The following SLC30A7 variants were observed in gnomAD, a reference collection of about 807,000 sequenced individuals.
The protein encoded by SLC30A7 is zinc transporter 7.
A neutral mutation model predicts 46.0 loss-of-function variants in SLC30A7; 35 were observed. The ratio of observed to expected loss-of-function variants is 0.76; its 90% CI spans 0.58 to 1.01. The LOEUF (loss-of-function observed/expected upper bound fraction) is 1.01, where lower values mean the gene tolerates loss of function less well. SLC30A7 is among the 50% of genes least tolerant of loss of function. The pLI, the probability that SLC30A7 is intolerant of heterozygous loss-of-function variation, is 0.00. For synonymous variants in SLC30A7, 147 were observed against 157.8 expected (o/e 0.93, Z 0.51); for missense variants, 464 against 451.1 (o/e 1.03, Z -0.26).
intron 8 of SLC30A7, among the ~76,000 whole-genome samples, chr1:100,949,143 C>A (rs887278689): frequency 6.6e-6 from 1 of 152,192 alleles, no homozygotes; most frequent in Non-Finnish European, 1.5e-5. Flanking sequence ...GCTCTGGTTT[C>A]TCCCCATCTT....
chr1:100,963,272 G>A (rs1011302442), intron 9 of SLC30A7, among the ~76,000 whole-genome samples: 3 of 152,202 alleles, frequency 2.0e-5, no homozygotes, highest in African/African-American at 7.2e-5. Flanking sequence ...AGGTGAGAAA[G>A]CCAGGAAAGG....
intron 9 of SLC30A7, among the ~76,000 whole-genome samples, 164 bp downstream of exon 9, chr1:100,962,082 G>A (rs372317372): frequency 6.6e-6 from 1 of 152,168 alleles, no homozygotes; most frequent in Non-Finnish European, 1.5e-5. Flanking sequence ...AAAATTGTCG[G>A]AAAATATTGA....
At position 100,977,709 on chromosome 1, in the gene SLC30A7, A is replaced by G. The variant is rs894900174; in HGVS notation, c.*2852A>G. 6.6e-6 allele frequency: 1 copy of G among 152,168 alleles called. No homozygotes were observed. Among genetic ancestry groups the G allele is most frequent in the Admixed American group, 6.5e-5 (1 of 15,270 alleles). The allele number at this position is 152,168 out of a possible 1,614,324, so 9.4% of individuals were successfully genotyped here. A position where few individuals can be genotyped will look rare whatever the true frequency, so the allele number is the denominator to read the frequency against. On this transcript the variant is annotated 3_prime_UTR_variant, in exon 11 of 11. Coordinates refer to ENST00000357650, the MANE Select transcript of SLC30A7 (RefSeq NM_133496.5). The stretch of plus-strand genomic sequence containing the variant: ...TTTACCTTGCCTGGTAAACCTTCCC[A>G]AACAGAAATATAGCTATACTATCTT...
chr1:100,900,318 GT>G (rs767198852), intron 2 of SLC30A7, among the ~76,000 whole-genome samples: 2 of 152,140 alleles, frequency 1.3e-5, no homozygotes, highest in Non-Finnish European at 2.9e-5. Context: ...ATGTCTTTGT[GT>G]TAACAAAGTA....
At chr1:100,901,729 C>A (rs1027747702) in intron 2 of SLC30A7, among the ~76,000 whole-genome samples, 3 of 152,184 alleles carry the variant, frequency 2.0e-5, no homozygotes, top group African/African-American at 7.2e-5. Flanking sequence ...TAGGCACGAG[C>A]CACTGCACCC....
At chr1:100,987,875 T>G in the SLC30A7 span, among the ~76,000 whole-genome samples, 1 of 152,202 alleles carries the variant, frequency 6.6e-6, no homozygotes, top group African/African-American at 2.4e-5. Context: ...ATCCTTAGTT[T>G]TAGCATAAAT....
At chr1:100,923,042 G>A (rs1161279751) in intron 8 of SLC30A7, among the ~76,000 whole-genome samples, 2 of 80,792 alleles carry the variant, frequency 2.5e-5, no homozygotes, top group African/African-American at 1.0e-4. Context: ...TTTTGAGACG[G>A]AGTCTCGCTG....
intron 8 of SLC30A7, among the ~76,000 whole-genome samples, chr1:100,926,513 A>T (rs1169732914): frequency 6.6e-6 from 1 of 152,122 alleles, no homozygotes; most frequent in Non-Finnish European, 1.5e-5. Context: ...GCCATGAGGG[A>T]TCTGTCCCCA....
chr1:100,960,571 T>C (rs1655480417), intron 8 of SLC30A7, among the ~76,000 whole-genome samples: 1 of 152,242 alleles, frequency 6.6e-6, no homozygotes, highest in South Asian at 2.1e-4. Context: ...TACTTGCTTC[T>C]ACTCTTCTTA....
At chr1:100,991,989 T>C in the SLC30A7 span, among the ~76,000 whole-genome samples, 1 of 151,738 alleles carries the variant, frequency 6.6e-6, no homozygotes, top group East Asian at 1.9e-4. Context: ...CATGCACTTG[T>C]AGTTCAGCTA....
chr1:100,952,633 A>G (rs1020918406), intron 8 of SLC30A7, among the ~76,000 whole-genome samples: 2 of 152,248 alleles, frequency 1.3e-5, no homozygotes, highest in Admixed American at 1.3e-4. Flanking sequence ...GTTCATCTAT[A>G]TCTTCCCTAG....
chr1:100,962,064 A>G, intron 9 of SLC30A7, 146 bp downstream of exon 9: 1 of 491,880 alleles, frequency 2.0e-6, no homozygotes, highest in Non-Finnish European at 3.6e-6. Context: ...ATTTATACAA[A>G]CCAGAATAAA....
At chr1:100,991,223 G>A in the SLC30A7 span, among the ~76,000 whole-genome samples, 8 of 152,266 alleles carry the variant, frequency 5.3e-5, no homozygotes, top group African/African-American at 1.7e-4. Context: ...CACTATTTAT[G>A]TTTTTCAGTT....
intron 8 of SLC30A7, among the ~76,000 whole-genome samples, chr1:100,948,543 C>G (rs1320633775): frequency 1.3e-5 from 2 of 152,024 alleles, no homozygotes; most frequent in African/African-American, 4.8e-5. Context: ...TTGTCGAGGA[C>G]TATCTTTGTG....
intron 8 of SLC30A7, among the ~76,000 whole-genome samples, chr1:100,936,637 C>T (rs1255907165): frequency 6.6e-6 from 1 of 152,134 alleles, no homozygotes. Context: ...GTATACAGTT[C>T]AGTGGCATTA....
At chr1:100,926,958 G>T (rs1229696908) in intron 8 of SLC30A7, among the ~76,000 whole-genome samples, 1 of 152,196 alleles carries the variant, frequency 6.6e-6, no homozygotes, top group African/African-American at 2.4e-5. Context: ...TGGAGGAGAG[G>T]AATATGGGAC....
chr1:100,896,683 G>A lies in SLC30A7; in HGVS notation c.182+12G>A. 1 of 1,610,964 alleles carries A rather than the reference G, an allele frequency of 6.2e-7. No individual in the cohort carries two copies. On this transcript the variant is annotated intron_variant, in intron 2 of 10. Transcript: ENST00000357650. Reference sequence around the variant, plus strand: ...ATCTGGAGCAACTGGTAACCAAAGGGGAAAATGGTTTGGGCGGAAGCTGGG... The same window carrying A: ...ATCTGGAGCAACTGGTAACCAAAGGAGAAAATGGTTTGGGCGGAAGCTGGG...
At chr1:100,982,462 A>G (rs540513596), downstream of SLC30A7, among the ~76,000 whole-genome samples, 1 of 152,380 alleles carries the variant, frequency 6.6e-6, no homozygotes, top group East Asian at 1.9e-4. Flanking sequence ...AAAATTGAAG[A>G]AAACAAATCT....
chr1:100,930,191 C>T (rs2101043893), intron 8 of SLC30A7, among the ~76,000 whole-genome samples: 1 of 151,962 alleles, frequency 6.6e-6, no homozygotes, highest in African/African-American at 2.4e-5. Flanking sequence ...CACCAGTTAC[C>T]ATCTTGTGGT....
Sources: allele counts gnomAD v4.1 joint callset (sites outside exome capture counted in the v4.1 genomes callset), GRCh38; gene constraint gnomAD v4.1.1; transcripts MANE v1.5; gene names NCBI Gene and HGNC (gene_info 2026-07-23, HGNC 2026-07-21).